Variants in TMEM87A observed in about 807,000 individuals in gnomAD.
TMEM87A encodes transmembrane protein 87A.
A neutral mutation model predicts 90.0 loss-of-function variants in TMEM87A; 50 were observed. The observed-to-expected ratio is 0.56, with a 90% CI of 0.44 to 0.70. The LOEUF (loss-of-function observed/expected upper bound fraction) is 0.70, where lower values mean the gene tolerates loss of function less well. Among genes scored for constraint, TMEM87A ranks in the 30% least tolerant of loss-of-function variants. TMEM87A has a pLI of 0.00. For missense variants in TMEM87A, 577 were observed against 660.5 expected, an observed-to-expected ratio of 0.87 and a Z score of 1.39; for synonymous variants, 226 against 226.7, an observed-to-expected ratio of 1.00 and a Z score of 0.03.
chr15:42,211,755 GAAA>G lies in TMEM87A; in HGVS notation c.1627-9_1627-7del. On this transcript the variant is annotated splice_polypyrimidine_tract_variant and splice_region_variant and intron_variant, in intron 19 of 19. Transcript: ENST00000389834. ...AAGTGTGTGATCATTCGTTCCTAGGGAAAAAAAAAAAGGTTGAAGTATATTAGG... is the reference window on the plus strand; with the variant it reads ...AAGTGTGTGATCATTCGTTCCTAGGGAAAAAAAAGGTTGAAGTATATTAGG... 1.6e-6 allele frequency: 2 copies of G among 1,228,298 alleles called. No individual in the cohort carries two copies. Among genetic ancestry groups the G allele is most frequent in the Admixed American group, 2.2e-5 (1 of 45,542 alleles). 76.1% of individuals were successfully genotyped at this position (1,228,298 alleles called of 1,614,324 possible).
intron 10 of TMEM87A, among the ~76,000 whole-genome samples, chr15:42,233,569 T>C (rs1168716287): frequency 1.3e-5 from 2 of 152,158 alleles, no homozygotes; most frequent in Admixed American, 1.3e-4. Flanking sequence ...ACAAGTAGTA[T>C]AATGCACCCT....
intron 6 of TMEM87A, among the ~76,000 whole-genome samples, chr15:42,244,677 G>C (rs1443752309): frequency 6.8e-6 from 1 of 148,144 alleles, no homozygotes; most frequent in Non-Finnish European, 1.5e-5. Context: ...ATTTAACCTT[G>C]AGCTAGTCTA....
At chr15:42,267,619 AAC>A (rs2051431531) in intron 3 of TMEM87A, among the ~76,000 whole-genome samples, 1 of 152,250 alleles carries the variant, frequency 6.6e-6, no homozygotes, top group Non-Finnish European at 1.5e-5. Flanking sequence ...TTCTGGGAAA[AAC>A]AGTTATTTAT....
intron 6 of TMEM87A, among the ~76,000 whole-genome samples, chr15:42,252,411 G>C (rs1370407520): frequency 6.6e-6 from 1 of 152,202 alleles, no homozygotes; most frequent in Non-Finnish European, 1.5e-5. Context: ...ACAGATGAAT[G>C]ATATTCCATT....
intron 6 of TMEM87A, among the ~76,000 whole-genome samples, chr15:42,245,937 C>T (rs114976287): frequency 0.017 from 2,535 of 152,230 alleles, 73 homozygotes; most frequent in African/African-American, 0.059. Context: ...AATTTTAATG[C>T]GTATAAATCA....
intron 7 of TMEM87A, 85 bp downstream of exon 7, chr15:42,243,964 TA>T: frequency 1.3e-6 from 1 of 757,206 alleles, no homozygotes; most frequent in Non-Finnish European, 2.0e-6. Context: ...CTGATACCTG[TA>T]ATACCTAATA....
intron 19 of TMEM87A, among the ~76,000 whole-genome samples, chr15:42,214,068 A>G (rs997137036): frequency 1.3e-5 from 2 of 152,192 alleles, no homozygotes; most frequent in African/African-American, 4.8e-5. Context: ...AACAAAATAT[A>G]TAATTCCTAG....
In TMEM87A at chr15:42,241,330, G is replaced by C. The variant is rs1375141495; in HGVS notation, c.623-1599C>G. ...CAGCCAGACTAGAAGGATAAGTAGA[G>C]AACTATCCCTCTCAGCCAGACTAGA... On this transcript the variant is annotated intron_variant, in intron 7 of 19. Coordinates refer to ENST00000389834, the MANE Select transcript of TMEM87A (RefSeq NM_015497.5). Among the ~76,000 whole-genome samples the C allele has an allele frequency of 7.2e-5, 11 of 152,058 alleles. No homozygotes were observed. The South Asian group carries it at 2.3e-3, about 32-fold the overall frequency.
intron 4 of TMEM87A, chr15:42,262,384 A>G (rs74481514): frequency 0.06 from 9,108 of 152,034 alleles, 386 homozygotes; most frequent in South Asian, 0.16. Context: ...AGTTATAATA[A>G]AAGCGGAACT....
chr15:42,210,456 TAGAA>T lies in TMEM87A; in HGVS notation c.*1248_*1251del, dbSNP rs1055606304. 5 of 152,116 alleles carry T rather than the reference TAGAA, an allele frequency of 3.3e-5. No homozygotes were observed. Among genetic ancestry groups the T allele is most frequent in the African/African-American group, 1.2e-4 (5 of 41,408 alleles). 9.4% of individuals were successfully genotyped at this position (152,116 alleles called of 1,614,324 possible). A position where few individuals can be genotyped will look rare whatever the true frequency, so the allele number is the denominator to read the frequency against. ...ATAAGACAATCTAGAATAAAAGCCA[TAGAA>T]AGAAATTTTTCATGAGTTTGACAGA... On this transcript the variant is annotated 3_prime_UTR_variant, in exon 20 of 20. Coordinates refer to ENST00000389834, the MANE Select transcript of TMEM87A (RefSeq NM_015497.5).
intron 3 of TMEM87A, 109 bp downstream of exon 3, chr15:42,267,838 A>G: frequency 1.3e-6 from 1 of 790,954 alleles, no homozygotes; most frequent in Admixed American, 3.3e-5. Context: ...TTCTAGTTTC[A>G]GCTCTCCTCC....
intron 13 of TMEM87A, among the ~76,000 whole-genome samples, chr15:42,228,221 A>C (rs1308212185): frequency 6.6e-6 from 1 of 152,136 alleles, no homozygotes; most frequent in Non-Finnish European, 1.5e-5. Flanking sequence ...CATAAATCAG[A>C]CCTCACTATT....
chr15:42,258,458 C>CAAAA, intron 6 of TMEM87A: 3 of 570,908 alleles, frequency 5.3e-6, no homozygotes, highest in Non-Finnish European at 6.7e-6. Context: ...GATGGAATCT[C>CAAAA]ACTGGCTGCC....
In TMEM87A at chr15:42,267,964, C is replaced by A; in HGVS notation, c.274G>T (p.Glu92Ter). 1 of 1,613,160 alleles carries A rather than the reference C, an allele frequency of 6.2e-7. No homozygotes were observed. Among genetic ancestry groups the A allele is most frequent in the South Asian group, 1.1e-5 (1 of 90,976 alleles). The change falls in exon 3 of 20, where the codon GAA becomes TAA. Residue 92 changes from glutamate to a stop codon, truncating the protein, a stop_gained. Coordinates refer to ENST00000389834, the MANE Select transcript of TMEM87A (RefSeq NM_015497.5). LOFTEE classifies it high-confidence loss of function. ...WYLKSADCYN[E>*]IYNFKAEEVE... ...TTCCTTACCTTGAAGTTATAGATTT[C>A]ATTGTAACAATCAGCGCTTTTCAGA...
chr15:42,260,829 T>A (rs1754400068), intron 6 of TMEM87A, 129 bp downstream of exon 6: 1 of 946,406 alleles, frequency 1.1e-6, no homozygotes, highest in African/African-American at 1.7e-5. Context: ...TTTAACATTT[T>A]GGTCTATAGC....
chr15:42,252,418 C>T (rs1566936627), intron 6 of TMEM87A, among the ~76,000 whole-genome samples: 4 of 152,178 alleles, frequency 2.6e-5, no homozygotes, highest in African/African-American at 9.7e-5. Flanking sequence ...AATGATATTC[C>T]ATTTTATGAA....
Position 42,211,688 on chromosome 15 carries a change from A to C in TMEM87A, c.*20T>G. On this transcript the variant is annotated 3_prime_UTR_variant, in exon 20 of 20. Transcript: ENST00000389834. ...TCTTCCCTGATGGTAGCCATCTTTA[A>C]CTGCAAATCTTCCCATTCCTTACTC... 6.2e-7 allele frequency: 1 copy of C among 1,612,650 alleles called. No homozygotes were observed. The highest frequency in any genetic ancestry group is 1.1e-5 in the South Asian group (1 of 90,980).
Position 42,220,061 on chromosome 15 carries a change from C to A in TMEM87A, c.1477+1G>T. On this transcript the variant is annotated splice_donor_variant, in intron 16 of 19. Coordinates refer to ENST00000389834, the MANE Select transcript of TMEM87A (RefSeq NM_015497.5). LOFTEE classifies it high-confidence loss of function. The stretch of plus-strand genomic sequence containing the variant: ...TAATAAGAGGTGAATTTTATTATTA[C>A]CAAAGCTTTCTTTCAGCATAGGCTC... 1 of 1,595,832 alleles carries A rather than the reference C, an allele frequency of 6.3e-7. No homozygotes were observed. Among genetic ancestry groups the A allele is most frequent in the Non-Finnish European group, 8.5e-7 (1 of 1,174,834 alleles).
chr15:42,236,783 G>A (rs2050779000), intron 9 of TMEM87A, among the ~76,000 whole-genome samples: 2 of 152,080 alleles, frequency 1.3e-5, no homozygotes, highest in South Asian at 2.1e-4. Context: ...AAACACACTC[G>A]TGTACACGCT....
Sources: gnomAD v4.1 joint callset for allele counts (sites outside exome capture counted in the v4.1 genomes callset) on GRCh38, gnomAD v4.1.1 for gene constraint, MANE v1.5 for transcripts, NCBI Gene and HGNC (gene_info 2026-07-23, HGNC 2026-07-21) for gene names.